HCN4: variants seen among roughly 807,000 people sequenced by gnomAD.
HCN4 encodes the protein potassium/sodium hyperpolarization-activated cyclic nucleotide-gated channel 4.
Under a neutral mutation model 76.9 loss-of-function variants are expected in HCN4, and 29 were observed. The ratio of observed to expected loss-of-function variants is 0.38; its 90% CI spans 0.28 to 0.51. The LOEUF (loss-of-function observed/expected upper bound fraction) is 0.51, where lower values mean the gene tolerates loss of function less well. Ranked by LOEUF, HCN4 falls within the 20% of genes least tolerant of loss-of-function variation. The pLI, the probability that HCN4 is intolerant of heterozygous loss-of-function variation, is 0.90. For missense variants in HCN4, 1,416 were observed against 1,715.2 expected (o/e 0.83, Z 3.08); for synonymous variants, 772 against 762.5 (o/e 1.01, Z -0.21).
At chr15:73,353,741 C>T (rs566142803) in intron 1 of HCN4, among the ~76,000 whole-genome samples, 5 of 152,222 alleles carry the variant, frequency 3.3e-5, no homozygotes, top group Non-Finnish European at 7.4e-5. Context: ...GGAGTCCTCC[C>T]TGCCTGTGTC....
chr15:73,348,398 GTGCACACACGCACACACACA>G (rs1353322059), intron 1 of HCN4, among the ~76,000 whole-genome samples: 3 of 152,178 alleles, frequency 2.0e-5, no homozygotes, highest in African/African-American at 7.2e-5. Flanking sequence ...ACGAACATGC[GTGCACACACGCACACACACA>G]TGCACACCCA....
intron 1 of HCN4, among the ~76,000 whole-genome samples, chr15:73,365,004 G>A (rs945211538): frequency 3.9e-5 from 6 of 152,164 alleles, no homozygotes; most frequent in African/African-American, 7.2e-5. Flanking sequence ...ATAAATCCTC[G>A]ACTAGCCTGA....
intron 1 of HCN4, among the ~76,000 whole-genome samples, chr15:73,346,550 T>C (rs1014747223): frequency 1.3e-5 from 2 of 152,108 alleles, no homozygotes; most frequent in African/African-American, 4.8e-5. Flanking sequence ...GGAAAGCCAG[T>C]AGCAGGAGGT....
chr15:73,364,498 AC>A (rs1415996871), intron 1 of HCN4, among the ~76,000 whole-genome samples: 1 of 152,128 alleles, frequency 6.6e-6, no homozygotes, highest in Non-Finnish European at 1.5e-5. Flanking sequence ...GGAAGGAAGG[AC>A]CCATCCAGGA....
At chr15:73,345,278 A>C (rs1428884374) in intron 1 of HCN4, among the ~76,000 whole-genome samples, 1 of 152,182 alleles carries the variant, frequency 6.6e-6, no homozygotes, top group African/African-American at 2.4e-5. Flanking sequence ...GCTGTCCTAC[A>C]TCACACTGTG....
At chr15:73,361,221 G>A (rs559966369) in intron 1 of HCN4, among the ~76,000 whole-genome samples, 3 of 152,270 alleles carry the variant, frequency 2.0e-5, no homozygotes, top group South Asian at 2.1e-4. Flanking sequence ...GAGCGCCCAC[G>A]GTGACGGGGA....
chr15:73,343,108 C>T lies in HCN4; in HGVS notation c.1209+277G>A, dbSNP rs1389797528. ...TAATCATGCAACCTTGTATAAGTCA[C>T]TTAATATTTCTGTCTGTTTCTTCAG... On this transcript the variant is annotated intron_variant, in intron 2 of 7. Transcript: ENST00000261917. The surrounding 1 kb of genome is among the most constrained non-coding windows in gnomAD (Gnocchi z 5.7). Among the ~76,000 whole-genome samples the T allele has an allele frequency of 6.6e-6, 1 of 152,218 alleles. No homozygotes were observed. Among genetic ancestry groups the T allele is most frequent in the Non-Finnish European group, 1.5e-5 (1 of 68,042 alleles).
At position 73,323,511 on chromosome 15, in the gene HCN4, T is replaced by C; in HGVS notation, c.2582A>G (p.Gln861Arg). Residue 861 changes from glutamine to arginine, a missense_variant, in exon 8 of 8, where the codon CAG becomes CGG. This residue lies in a region of HCN4 where 633 missense variants were observed against 579.8 expected (regional missense o/e 1.09). Transcript: ENST00000261917. ...AGCGGGGGCAGAGAATCCAGCCAGC[T>C]GTTGGATGTGGAAGGAGGATGAAGA... ...TPSSSSFHIQ[Q>R]LAGFSAPAGL... The C allele has an allele frequency of 1.2e-6, 2 of 1,602,026 alleles. No individual in the cohort carries two copies. Among genetic ancestry groups the C allele is most frequent in the Non-Finnish European group, 1.7e-6 (2 of 1,179,798 alleles).
chr15:73,324,893 A>G (rs2042889280), intron 6 of HCN4, 62 bp downstream of exon 6: 1 of 1,604,612 alleles, frequency 6.2e-7, no homozygotes, highest in Admixed American at 1.7e-5. Context: ...TCCCCTCGGT[A>G]TCTCCCCAAA....
At chr15:73,338,186 T>C (rs1468028491) in intron 2 of HCN4, among the ~76,000 whole-genome samples, 2 of 152,220 alleles carry the variant, frequency 1.3e-5, no homozygotes, top group African/African-American at 4.8e-5. Flanking sequence ...CACTGGTGTG[T>C]CCCCACTGTT....
At chr15:73,346,012 T>C (rs2043028245) in intron 1 of HCN4, among the ~76,000 whole-genome samples, 1 of 152,212 alleles carries the variant, frequency 6.6e-6, no homozygotes, top group African/African-American at 2.4e-5. Context: ...TTTTGTGGTC[T>C]TCATAAAACC....
chr15:73,337,853 A>T (rs1046789761), intron 2 of HCN4, among the ~76,000 whole-genome samples: 4 of 152,150 alleles, frequency 2.6e-5, no homozygotes, highest in African/African-American at 7.2e-5. Flanking sequence ...CTTCTCCTGC[A>T]GGGGACACAG....
At chr15:73,327,110 T>TTC (rs2042904930) in intron 4 of HCN4, among the ~76,000 whole-genome samples, 1 of 143,880 alleles carries the variant, frequency 7.0e-6, no homozygotes, top group South Asian at 2.2e-4. Context: ...TTCTTTTTCT[T>TTC]TTTTTTTTTT....
chr15:73,354,378 T>A (rs1054065851), intron 1 of HCN4, among the ~76,000 whole-genome samples: 1 of 152,180 alleles, frequency 6.6e-6, no homozygotes, highest in Non-Finnish European at 1.5e-5. Flanking sequence ...TCTTGGCCTG[T>A]GATCCTTCAG....
chr15:73,345,969 T>C (rs1430449322), intron 1 of HCN4, among the ~76,000 whole-genome samples: 1 of 152,124 alleles, frequency 6.6e-6, no homozygotes, highest in East Asian at 1.9e-4. Context: ...ACAGTCCAAA[T>C]TTGAGAGAGT....
rs766080232 is a variant in HCN4 at position 73,343,413 on chromosome 15, AG to A, written c.1180del (p.Leu394SerfsTer14). On this transcript the variant is annotated frameshift_variant, in exon 2 of 8. Coordinates refer to ENST00000261917, the MANE Select transcript of HCN4 (RefSeq NM_005477.3). LOFTEE classifies it high-confidence loss of function. The surrounding 1 kb of genome is among the most constrained non-coding windows in gnomAD (Gnocchi z 5.7). ...TTCCCACTGGTGAATATATCGAATGAGGCGGGAGAGGCGTAACAGGCGTAAG... is the reference window on the plus strand; with the variant it reads ...TTCCCACTGGTGAATATATCGAATGAGCGGGAGAGGCGTAACAGGCGTAAG... ...SLLRLLRLSR[L>X]IRYIHQWEEI... 1 of 1,614,132 alleles carries A rather than the reference AG, an allele frequency of 6.2e-7. No homozygotes were observed. The highest frequency in any genetic ancestry group is 1.1e-5 in the South Asian group (1 of 91,070).
At chr15:73,358,570 A>G (rs574119327) in intron 1 of HCN4, among the ~76,000 whole-genome samples, 135 of 152,268 alleles carry the variant, frequency 8.9e-4, no homozygotes, top group African/African-American at 3.2e-3. Flanking sequence ...TGCACCTAGG[A>G]CCAGGGTGCA....
At position 73,340,819 on chromosome 15, in the gene HCN4, C is replaced by T. The variant is rs1020082970; in HGVS notation, c.1209+2566G>A. On this transcript the variant is annotated intron_variant, in intron 2 of 7. Transcript: ENST00000261917. ...TGAAGTCCAGTCCCCCATGGAGGGGCCCCAGCCATGAAAGGAAACAATCGT... is the reference window on the plus strand; with the variant it reads ...TGAAGTCCAGTCCCCCATGGAGGGGTCCCAGCCATGAAAGGAAACAATCGT... Among the ~76,000 whole-genome samples the T allele has an allele frequency of 6.0e-4, 92 of 152,210 alleles. 1 individual carries two copies. The highest frequency in any genetic ancestry group is 4.8e-3 in the Admixed American group (74 of 15,282).
intron 2 of HCN4, among the ~76,000 whole-genome samples, chr15:73,337,780 C>T (rs529119622): frequency 8.5e-5 from 13 of 152,120 alleles, no homozygotes; most frequent in South Asian, 6.2e-4. Flanking sequence ...AAAAGGTACC[C>T]GCTCTGGGCA....
Sources: allele counts gnomAD v4.1 joint callset (sites outside exome capture counted in the v4.1 genomes callset), GRCh38; gene constraint gnomAD v4.1.1; regional missense constraint gnomAD v4.1.1; non-coding constraint Gnocchi (gnomAD v3.1); transcripts MANE v1.5; gene names NCBI Gene and HGNC (gene_info 2026-07-23, HGNC 2026-07-21).